The following KLHDC1 variants were observed in gnomAD, a reference collection of about 807,000 sequenced individuals.
KLHDC1 encodes kelch domain-containing protein 1.
A neutral mutation model predicts 68.3 loss-of-function variants in KLHDC1; 53 were observed. That is an observed-to-expected ratio of 0.78 (90% CI 0.62 to 0.98). The LOEUF (loss-of-function observed/expected upper bound fraction) is 0.98, where lower values mean the gene tolerates loss of function less well. Ranked by LOEUF, KLHDC1 falls within the 50% of genes least tolerant of loss-of-function variation. The pLI is 0.00. For synonymous variants in KLHDC1, 148 were observed against 159.0 expected (o/e 0.93, Z 0.52); for missense variants, 470 against 492.3 (o/e 0.95, Z 0.43).
intron 4 of KLHDC1, among the ~76,000 whole-genome samples, chr14:49,721,736 G>A (rs1203083831): frequency 2.0e-5 from 3 of 152,040 alleles, no homozygotes; most frequent in Admixed American, 6.6e-5. Context: ...TCACAGCTGC[G>A]TTCCTACCTC....
chr14:49,743,626 C>T, intron 11 of KLHDC1, 127 bp from the exon 12 acceptor site: 1 of 592,484 alleles, frequency 1.7e-6, no homozygotes, highest in Non-Finnish European at 3.0e-6. Flanking sequence ...TGTGTGTCAA[C>T]AGCTAGAAAG....
chr14:49,708,680 C>T (rs780081042), intron 1 of KLHDC1: 6 of 153,086 alleles, frequency 3.9e-5, no homozygotes, highest in Non-Finnish European at 8.7e-5. Context: ...AGTAGGCACT[C>T]AAAAAATATG....
At chr14:49,743,918 A>G (rs1594683632) in intron 12 of KLHDC1, 113 bp downstream of exon 12, 3 of 617,804 alleles carry the variant, frequency 4.9e-6, no homozygotes, top group East Asian at 5.8e-5. Flanking sequence ...GAATTCAAGA[A>G]TATGTTCACA....
At chr14:49,746,557 G>T (rs903181751) in intron 12 of KLHDC1, among the ~76,000 whole-genome samples, 1 of 151,980 alleles carries the variant, frequency 6.6e-6, no homozygotes, top group Non-Finnish European at 1.5e-5. Context: ...AAAGCACTGT[G>T]GATAGTACAT....
intron 4 of KLHDC1, among the ~76,000 whole-genome samples, chr14:49,715,816 C>T (rs928441760): frequency 2.2e-4 from 31 of 143,218 alleles, no homozygotes; most frequent in African/African-American, 7.8e-4. Flanking sequence ...CCTTTTAAAC[C>T]TAGATGTTTA....
intron 4 of KLHDC1, among the ~76,000 whole-genome samples, chr14:49,713,825 TATATATATATATATATATATA>T (rs1437471648): frequency 3.7e-3 from 13 of 3,532 alleles, no homozygotes; most frequent in African/African-American, 5.8e-3. Flanking sequence ...TATATATATA[TATATATATATATATATATATA>T]TATATTTTTT....
At chr14:49,732,581 G>A in intron 8 of KLHDC1, 123 bp from the exon 9 acceptor site, 2 of 493,908 alleles carry the variant, frequency 4.0e-6, no homozygotes. Context: ...ATTCATGTAG[G>A]TGGGACTAGT....
At chr14:49,732,998 CCT>C (rs890847852) in intron 9 of KLHDC1, among the ~76,000 whole-genome samples, 182 bp downstream of exon 9, 3 of 152,262 alleles carry the variant, frequency 2.0e-5, no homozygotes, top group South Asian at 2.1e-4. Context: ...TCCACGTTCC[CCT>C]GTTTTCTAGG....
rs1022052392 is a variant in KLHDC1, at chr14:49,734,494, A to G, written c.824-95A>G. The G allele has an allele frequency of 1.5e-5, 10 of 645,488 alleles. No homozygotes were observed. The African/African-American group carries it at 1.9e-4, about 12-fold the overall frequency. The allele number at this position is 645,488 out of a possible 1,614,324, so 40.0% of individuals were successfully genotyped here. A position where few individuals can be genotyped will look rare whatever the true frequency, so the allele number is the denominator to read the frequency against. ...GATAAAATAGGTGCACTCAGAAAAGATAGTCATTTAAATGTAGCATGATAA... is the reference window on the plus strand; with the variant it reads ...GATAAAATAGGTGCACTCAGAAAAGGTAGTCATTTAAATGTAGCATGATAA... On this transcript the variant is annotated intron_variant, in intron 9 of 12. Transcript: ENST00000359332.
chr14:49,732,614 G>T, intron 8 of KLHDC1, 90 bp from the exon 9 acceptor site: 1 of 444,842 alleles, frequency 2.2e-6, no homozygotes, highest in Admixed American at 6.3e-5. Flanking sequence ...GAGCAGTGAG[G>T]GCAGATTTTT....
chr14:49,693,387 C>G (rs1887627241), intron 1 of KLHDC1, 97 bp downstream of exon 1: 1 of 913,040 alleles, frequency 1.1e-6, no homozygotes, highest in South Asian at 3.2e-5. Flanking sequence ...GGCTGCGGCC[C>G]AGGCCTGGCG....
intron 4 of KLHDC1, among the ~76,000 whole-genome samples, chr14:49,714,484 A>G (rs1238783383): frequency 6.6e-6 from 1 of 151,356 alleles, no homozygotes; most frequent in African/African-American, 2.4e-5. Context: ...AAAACGAAAA[A>G]AAATCTAGGC....
In KLHDC1 at chr14:49,725,714, A is replaced by G. The variant is rs768325791; in HGVS notation, c.512A>G (p.Asn171Ser). 3 of 1,459,996 alleles carry G rather than the reference A, an allele frequency of 2.1e-6. No individual in the cohort carries two copies. Among genetic ancestry groups the G allele is most frequent in the South Asian group, 1.2e-5 (1 of 81,526 alleles). 90.4% of individuals were successfully genotyped at this position (1,459,996 alleles called of 1,614,324 possible). A position where few individuals can be genotyped will look rare whatever the true frequency, so the allele number is the denominator to read the frequency against. The change falls in exon 6 of 13, where the codon AAT (asparagine) becomes AGT (serine). Residue 171 changes from asparagine (N) to serine (S), a missense_variant. Transcript: ENST00000359332. ...GAGCAGATATTCTGGGGATGGCATA[A>G]TGATGTCCACATATTTGACACAAAG... ...WEEQIFWGWH[N>S]DVHIFDTKTQ...
intron 10 of KLHDC1, among the ~76,000 whole-genome samples, chr14:49,738,321 T>C (rs377639514): frequency 1.3e-5 from 2 of 151,982 alleles, no homozygotes. Context: ...TCATGTTCTC[T>C]TTTGTTTGGT....
intron 4 of KLHDC1, among the ~76,000 whole-genome samples, chr14:49,716,730 T>A (rs911851896): frequency 2.0e-5 from 3 of 152,076 alleles, no homozygotes; most frequent in African/African-American, 4.8e-5. Flanking sequence ...AAACATAAAA[T>A]TTTTCATTTT....
chr14:49,727,548 TAA>T (rs1329071886), intron 6 of KLHDC1, among the ~76,000 whole-genome samples: 82 of 152,320 alleles, frequency 5.4e-4, no homozygotes, highest in African/African-American at 1.8e-3. Context: ...TACAAAATCG[TAA>T]GTATTAGAGT....
At chr14:49,700,703 G>A (rs886668202) in intron 1 of KLHDC1, among the ~76,000 whole-genome samples, 5 of 152,198 alleles carry the variant, frequency 3.3e-5, no homozygotes, top group African/African-American at 7.2e-5. Flanking sequence ...AAGGCTTACC[G>A]TGTCAGATAT....
chr14:49,703,261 T>A (rs1370771085), intron 1 of KLHDC1, among the ~76,000 whole-genome samples: 1 of 152,098 alleles, frequency 6.6e-6, no homozygotes, highest in Non-Finnish European at 1.5e-5. Context: ...CTTAAATTTC[T>A]TTTCTCTATA....
chr14:49,715,231 T>G (rs1888339401), intron 4 of KLHDC1, among the ~76,000 whole-genome samples: 2 of 150,754 alleles, frequency 1.3e-5, no homozygotes, highest in Non-Finnish European at 3.0e-5. Context: ...CAAGCTATTC[T>G]CCTGCCTCAG....
Sources: gnomAD v4.1 joint callset for allele counts (sites outside exome capture counted in the v4.1 genomes callset) on GRCh38, gnomAD v4.1.1 for gene constraint, MANE v1.5 for transcripts, NCBI Gene and HGNC (gene_info 2026-07-23, HGNC 2026-07-21) for gene names.